The following CPM variants were observed in gnomAD, a reference collection of about 807,000 sequenced individuals.
The protein encoded by CPM is renal carboxypeptidase.
A neutral mutation model predicts 46.4 loss-of-function variants in CPM; 35 were observed. The observed-to-expected ratio is 0.75, with a 90% confidence interval of 0.58 to 1.00. CPM has a LOEUF of 1.00. Among genes scored for constraint, CPM ranks in the 50% least tolerant of loss-of-function variants. CPM has a pLI of 0.00. For missense variants in CPM, 422 were observed against 530.4 expected, an observed-to-expected ratio of 0.80 and a Z score of 2.01; for synonymous variants, 195 against 195.3, an observed-to-expected ratio of 1.00 and a Z score of 0.01.
chr12:68,931,073 C>T (rs1888479424), intron 2 of CPM, among the ~76,000 whole-genome samples: 2 of 152,168 alleles, frequency 1.3e-5, no homozygotes, highest in African/African-American at 4.8e-5. Flanking sequence ...CACACCCAAC[C>T]TCTATAATTT....
chr12:68,932,679 T>G lies in CPM; in HGVS notation c.159A>C (p.Lys53Asn). 1 of 1,614,004 alleles carries G rather than the reference T, an allele frequency of 6.2e-7. No individual in the cohort carries two copies. Among genetic ancestry groups the G allele is most frequent in the Non-Finnish European group, 8.5e-7 (1 of 1,179,878 alleles). Residue 53 changes from lysine (K) to asparagine (N), a missense_variant and splice_region_variant, in exon 2 of 9, where the codon AAA becomes AAC. Physicochemically the swap from Lys to Asn is moderately conservative, Grantham distance 94 (BLOSUM62 0). Transcript: ENST00000551568. ...THLHSIGKSV[K>N]GRNLWVLVVG... Reference sequence around the variant, plus strand: ...AAGTGTTCACGAGACGGACCCTACCTTTCACAGATTTCCCAATACTGTGTA... The same window carrying G: ...AAGTGTTCACGAGACGGACCCTACCGTTCACAGATTTCCCAATACTGTGTA...
intron 3 of CPM, among the ~76,000 whole-genome samples, chr12:68,885,269 G>T (rs575714707): frequency 6.6e-6 from 1 of 152,282 alleles, no homozygotes; most frequent in South Asian, 2.1e-4. Flanking sequence ...TGGTGAGTAG[G>T]AGAGAATCAT....
chr12:68,900,146 A>AAAACTCTTTTGTTTG (rs1887054038), intron 2 of CPM, among the ~76,000 whole-genome samples: 1 of 152,244 alleles, frequency 6.6e-6, no homozygotes, highest in Non-Finnish European at 1.5e-5. Context: ...GAGTTATCCA[A>AAAACTCTTTTGTTTG]AATACAGAAA....
chr12:68,916,752 G>T (rs2120744), intron 2 of CPM, among the ~76,000 whole-genome samples: 2 of 151,792 alleles, frequency 1.3e-5, no homozygotes, highest in African/African-American at 4.8e-5. Flanking sequence ...AGCTGGGCAT[G>T]GTGGCACACC....
intron 2 of CPM, among the ~76,000 whole-genome samples, chr12:68,903,601 C>T (rs778379595): frequency 6.6e-6 from 1 of 152,288 alleles, no homozygotes; most frequent in Non-Finnish European, 1.5e-5. Flanking sequence ...TGAGTTTACC[C>T]GTTCATTAAA....
At chr12:68,901,513 T>C (rs901493264) in intron 2 of CPM, among the ~76,000 whole-genome samples, 1 of 152,216 alleles carries the variant, frequency 6.6e-6, no homozygotes, top group Non-Finnish European at 1.5e-5. Context: ...ACATTAGCTT[T>C]ATTAAACCTC....
chr12:68,883,749 C>A (rs1411195621), intron 3 of CPM, among the ~76,000 whole-genome samples: 1 of 151,806 alleles, frequency 6.6e-6, no homozygotes, highest in African/African-American at 2.4e-5. Flanking sequence ...CTCTGAAATG[C>A]CAGCAATAAA....
chr12:68,896,909 A>T (rs1451763210), intron 2 of CPM, among the ~76,000 whole-genome samples: 1 of 151,086 alleles, frequency 6.6e-6, no homozygotes, highest in African/African-American at 2.5e-5. Flanking sequence ...TACGTTTTTA[A>T]TTGAAAAAAA....
intron 2 of CPM, among the ~76,000 whole-genome samples, chr12:68,911,659 G>A (rs953205137): frequency 6.6e-6 from 1 of 152,220 alleles, no homozygotes; most frequent in Non-Finnish European, 1.5e-5. Flanking sequence ...TTATGTAACT[G>A]CAGTAAGAGT....
rs570291031 is a variant in CPM at position 68,875,137 on chromosome 12, G to A, written c.259-3181C>T. ...AGGCTGAGGTGGGCAGATCACCTGA[G>A]GTCAGGAGTTGGAGACCAGCCTGGG... On this transcript the variant is annotated intron_variant, in intron 3 of 8. Coordinates refer to ENST00000551568, the MANE Select transcript of CPM (RefSeq NM_198320.5). Among the ~76,000 whole-genome samples, 3 of 152,116 alleles carry A rather than the reference G, an allele frequency of 2.0e-5. No homozygotes were observed. The South Asian group carries it at 6.2e-4, about 32-fold the overall frequency.
At chr12:68,920,419 A>T (rs1013270349) in intron 2 of CPM, among the ~76,000 whole-genome samples, 1 of 152,198 alleles carries the variant, frequency 6.6e-6, no homozygotes, top group Admixed American at 6.5e-5. Context: ...CGTGAAAAGG[A>T]TTTTAACGAG....
Position 68,945,442 on chromosome 12 carries a change from A to G in CPM, c.-3-12602T>C, listed in dbSNP as rs80348297. On this transcript the variant is annotated intron_variant, in intron 1 of 8. Transcript: ENST00000546373. ...CTCCCTTGTGCTTCAGCACACCTCA[A>G]TCCTGAGGTGTGAGCTGGGGAGATG... Among the ~76,000 whole-genome samples, 289 of 152,154 alleles carry G rather than the reference A, an allele frequency of 1.9e-3. 2 individuals are homozygous for G. Among genetic ancestry groups the G allele is most frequent in the African/African-American group, 6.5e-3 (268 of 41,542 alleles).
chr12:68,890,943 A>G (rs1886630138), intron 2 of CPM, among the ~76,000 whole-genome samples: 1 of 152,228 alleles, frequency 6.6e-6, no homozygotes, highest in Admixed American at 6.5e-5. Context: ...TCTGATACAT[A>G]AAGTTCTGGT....
chr12:68,944,185 T>C (rs1388792377), intron 1 of CPM, among the ~76,000 whole-genome samples: 2 of 152,210 alleles, frequency 1.3e-5, no homozygotes, highest in African/African-American at 2.4e-5. Context: ...ATTAATTGGT[T>C]CATTCATTCC....
At chr12:68,950,943 C>T (rs974389728) in intron 1 of CPM, among the ~76,000 whole-genome samples, 5 of 152,200 alleles carry the variant, frequency 3.3e-5, no homozygotes, top group African/African-American at 7.2e-5. Flanking sequence ...ACCCAAGCAC[C>T]GGGTGCAGAA....
At chr12:68,938,324 C>T (rs946881701) in intron 1 of CPM, among the ~76,000 whole-genome samples, 2 of 151,872 alleles carry the variant, frequency 1.3e-5, no homozygotes. Flanking sequence ...ATTGCTTGAC[C>T]CCAGGGGTTT....
In CPM at chr12:68,904,754, A is replaced by G. The variant is rs144058974; in HGVS notation, c.161-18865T>C. Among the ~76,000 whole-genome samples, 1,484 of 152,304 alleles carry G rather than the reference A, an allele frequency of 9.7e-3. 13 individuals are homozygous for G. The highest frequency in any genetic ancestry group is 0.024 in the Middle Eastern group (7 of 294). Reference sequence around the variant, plus strand: ...CGTGAGAAAGCAGAAGGCAGTCTGAACCACAGCCTGGCATGTGGGTGGAAG... The same window carrying G: ...CGTGAGAAAGCAGAAGGCAGTCTGAGCCACAGCCTGGCATGTGGGTGGAAG... On this transcript the variant is annotated intron_variant, in intron 2 of 8. Coordinates refer to ENST00000551568, the MANE Select transcript of CPM (RefSeq NM_198320.5).
chr12:68,930,069 A>G (rs1186023319), intron 2 of CPM, among the ~76,000 whole-genome samples: 1 of 152,128 alleles, frequency 6.6e-6, no homozygotes, highest in Non-Finnish European at 1.5e-5. Context: ...ACACGTGTAT[A>G]ATAAATTCTG....
At chr12:68,897,025 T>A (rs546970069) in intron 2 of CPM, among the ~76,000 whole-genome samples, 51 of 152,228 alleles carry the variant, frequency 3.4e-4, no homozygotes, top group African/African-American at 1.2e-3. Flanking sequence ...GTCTCATTAA[T>A]CACTAACCAT....
Sources: gnomAD v4.1 joint callset for allele counts (sites outside exome capture counted in the v4.1 genomes callset) on GRCh38, gnomAD v4.1.1 for gene constraint, MANE v1.5 for transcripts, NCBI Gene and HGNC (gene_info 2026-07-23, HGNC 2026-07-21) for gene names.